Variants in TRIP12 observed in about 807,000 individuals in gnomAD.
TRIP12 encodes E3 ubiquitin-protein ligase TRIP12.
Under a neutral mutation model 244.2 loss-of-function variants are expected in TRIP12, and 25 were observed. The observed-to-expected ratio is 0.10, with a 90% CI of 0.07 to 0.14. The LOEUF (loss-of-function observed/expected upper bound fraction) is 0.14, where lower values mean the gene tolerates loss of function less well. Ranked by LOEUF, TRIP12 falls within the 10% of genes least tolerant of loss-of-function variation. TRIP12 has a pLI of 1.00. For missense variants in TRIP12, 1,677 were observed against 2,486.4 expected, an observed-to-expected ratio of 0.67 and a Z score of 6.92; for synonymous variants, 905 against 873.1, an observed-to-expected ratio of 1.04 and a Z score of -0.64.
intron 24 of TRIP12, 130 bp downstream of exon 24, chr2:229,797,560 T>G: frequency 9.6e-7 from 1 of 1,037,194 alleles, no homozygotes; most frequent in Non-Finnish European, 1.4e-6. Flanking sequence ...GCACCAAGGG[T>G]GTATATAAGG....
chr2:229,822,251 A>G (rs1428856004), intron 8 of TRIP12, among the ~76,000 whole-genome samples: 1 of 150,154 alleles, frequency 6.7e-6, no homozygotes, highest in Non-Finnish European at 1.5e-5. Context: ...CAACATCTCA[A>G]CAGAGAGAGT....
chr2:229,822,094 C>G (rs1490113545), intron 8 of TRIP12, among the ~76,000 whole-genome samples: 1 of 152,198 alleles, frequency 6.6e-6, no homozygotes, highest in African/African-American at 2.4e-5. Context: ...GAACCAAGTT[C>G]ACGTCGCTGC....
At chr2:229,808,775 A>G (rs552049720) in intron 15 of TRIP12, among the ~76,000 whole-genome samples, 1 of 152,360 alleles carries the variant, frequency 6.6e-6, no homozygotes, top group African/African-American at 2.4e-5. Flanking sequence ...CATAGTATAA[A>G]ACGTTAACAA....
At chr2:229,855,620 AAAAAG>A (rs1559885667) in intron 4 of TRIP12, among the ~76,000 whole-genome samples, 2 of 130,336 alleles carry the variant, frequency 1.5e-5, no homozygotes, top group South Asian at 2.9e-4. Context: ...AAAAAAAAAA[AAAAAG>A]AGAAAAGAAA....
Position 229,778,139 on chromosome 2 carries a change from T to A in TRIP12, c.5364+294A>T, listed in dbSNP as rs918993550. Among the ~76,000 whole-genome samples, 2 of 152,182 alleles carry A rather than the reference T, an allele frequency of 1.3e-5. No individual in the cohort carries two copies. Among genetic ancestry groups the A allele is most frequent in the African/African-American group, 4.8e-5 (2 of 41,450 alleles). ...TAAAAAATAAATAATTAATACCACC[T>A]TAACTTGCCTGATTATCTGAACCCT... On this transcript the variant is annotated intron_variant, in intron 36 of 41. Coordinates refer to ENST00000675903, the MANE Select transcript of TRIP12 (RefSeq NM_001348323.3). The surrounding 1 kb of genome is among the most constrained non-coding windows in gnomAD (Gnocchi z 4.1).
chr2:229,832,885 C>CGGTT (rs1160890199), intron 6 of TRIP12, among the ~76,000 whole-genome samples: 4 of 152,128 alleles, frequency 2.6e-5, no homozygotes, highest in Non-Finnish European at 5.9e-5. Flanking sequence ...GGCTCTTAAA[C>CGGTT]TTATCTTAAG....
chr2:229,849,576 G>C (rs2058250278), intron 4 of TRIP12, among the ~76,000 whole-genome samples: 1 of 151,980 alleles, frequency 6.6e-6, no homozygotes, highest in South Asian at 2.1e-4. Flanking sequence ...AAAAATAATA[G>C]ATCTGGCCAG....
chr2:229,894,111 C>T (rs2068084111), intron 1 of TRIP12, among the ~76,000 whole-genome samples: 1 of 152,036 alleles, frequency 6.6e-6, no homozygotes, highest in Non-Finnish European at 1.5e-5. Flanking sequence ...GCTGAGATGG[C>T]ACCACTGCAC....
intron 1 of TRIP12, among the ~76,000 whole-genome samples, chr2:229,883,880 C>T (rs567743672): frequency 6.6e-6 from 1 of 152,202 alleles, no homozygotes; most frequent in East Asian, 1.9e-4. Context: ...CGGCTGGGCG[C>T]GGTGGCTCAC....
chr2:229,803,486 T>G (rs2154270303), intron 20 of TRIP12, 85 bp downstream of exon 20: 1 of 801,134 alleles, frequency 1.2e-6, no homozygotes, highest in East Asian at 2.6e-5. Context: ...ATTGAAAAGC[T>G]ATCAGTTTTT....
chr2:229,771,441 G>A (rs180818921), intron 39 of TRIP12, 78 bp downstream of exon 39: 8 of 1,240,188 alleles, frequency 6.5e-6, no homozygotes, highest in Admixed American at 6.1e-5. Context: ...GCAACAATAC[G>A]GTCTTTGACT....
At chr2:229,874,166 T>C (rs2063187462) in intron 2 of TRIP12, among the ~76,000 whole-genome samples, 1 of 151,726 alleles carries the variant, frequency 6.6e-6, no homozygotes, top group African/African-American at 2.4e-5. Flanking sequence ...AACAAACAGC[T>C]CAGAAAATAA....
chr2:229,821,813 CCA>C (rs770459014), intron 8 of TRIP12, among the ~76,000 whole-genome samples: 1 of 152,010 alleles, frequency 6.6e-6, no homozygotes, highest in Non-Finnish European at 1.5e-5. Flanking sequence ...ATCAACTGGC[CCA>C]CAGACAGGTA....
chr2:229,906,856 T>C (rs941282798), intron 1 of TRIP12, among the ~76,000 whole-genome samples: 1 of 152,154 alleles, frequency 6.6e-6, no homozygotes, highest in Non-Finnish European at 1.5e-5. Flanking sequence ...TCTGAGACTA[T>C]ATCAAAATAA....
chr2:229,793,726 T>C (rs2042120019), intron 26 of TRIP12, among the ~76,000 whole-genome samples: 1 of 152,206 alleles, frequency 6.6e-6, no homozygotes, highest in African/African-American at 2.4e-5. Flanking sequence ...ACTTAAACTG[T>C]GATTATCTGT....
intron 4 of TRIP12, among the ~76,000 whole-genome samples, chr2:229,856,621 G>C (rs1164641890): frequency 6.6e-6 from 1 of 152,198 alleles, no homozygotes; most frequent in Non-Finnish European, 1.5e-5. Context: ...AGGCAGAAGG[G>C]GAAGTGAATC....
intron 6 of TRIP12, among the ~76,000 whole-genome samples, chr2:229,832,037 G>A (rs1468431918): frequency 1.3e-5 from 2 of 152,036 alleles, no homozygotes; most frequent in African/African-American, 4.8e-5. Context: ...AATAACATAT[G>A]CGAGTTTAAA....
intron 5 of TRIP12, among the ~76,000 whole-genome samples, chr2:229,837,450 C>T (rs1163737245): frequency 2.6e-5 from 4 of 152,072 alleles, no homozygotes; most frequent in African/African-American, 7.2e-5. Context: ...GCCTGACCAA[C>T]ATGATGAAAC....
intron 7 of TRIP12, 96 bp downstream of exon 7, chr2:229,830,660 G>A: frequency 7.8e-7 from 1 of 1,287,244 alleles, no homozygotes; most frequent in East Asian, 2.4e-5. Flanking sequence ...GCTAGATTAT[G>A]GTCAAATGAA....
Sources: allele counts gnomAD v4.1 joint callset (sites outside exome capture counted in the v4.1 genomes callset), GRCh38; gene constraint gnomAD v4.1.1; non-coding constraint Gnocchi (gnomAD v3.1); transcripts MANE v1.5; gene names NCBI Gene and HGNC (gene_info 2026-07-23, HGNC 2026-07-21).